The following DNMBP variants were observed in gnomAD, a reference collection of about 807,000 sequenced individuals.
The protein encoded by DNMBP is dynamin binding protein, also known as dynamin-binding protein.
DNMBP carries 87 observed loss-of-function variants against 150.0 expected under a neutral mutation model. That is an observed-to-expected ratio of 0.58 (90% CI 0.49 to 0.69). DNMBP has a LOEUF of 0.69. Ranked by LOEUF, DNMBP falls within the 30% of genes least tolerant of loss-of-function variation. The probability of loss-of-function intolerance (pLI) is 0.00; values close to 1 mark genes in which losing one functional copy is unlikely to be tolerated. For synonymous variants in DNMBP, 711 were observed against 750.4 expected (o/e 0.95, Z 0.86); for missense variants, 1,774 against 1,949.0 (o/e 0.91, Z 1.69).
In DNMBP at chr10:99,879,790, G is replaced by T. The variant is rs2039334264; in HGVS notation, c.4548+21C>A. ...ATCTGCTGCCGCCTGTGCCACAGTG[G>T]CAGGCCTCTTACGCACTCACCTGGT... On this transcript the variant is annotated intron_variant, in intron 16 of 16. Coordinates refer to ENST00000324109, the MANE Select transcript of DNMBP (RefSeq NM_015221.4). 3.1e-6 allele frequency: 5 copies of T among 1,610,552 alleles called. No homozygotes were observed. The East Asian group carries it at 1.1e-4, about 36-fold the overall frequency.
chr10:99,977,394 C>A (rs535516172), intron 1 of DNMBP, among the ~76,000 whole-genome samples: 1 of 152,292 alleles, frequency 6.6e-6, no homozygotes, highest in African/African-American at 2.4e-5. Context: ...GTTCCACCAA[C>A]TCCAGATAGA....
At chr10:99,921,650 T>C (rs1332454964) in intron 4 of DNMBP, among the ~76,000 whole-genome samples, 4 of 151,352 alleles carry the variant, frequency 2.6e-5, no homozygotes, top group Non-Finnish European at 5.9e-5. Context: ...GGCCAGGAGA[T>C]TGAGATCAGC....
chr10:99,888,031 T>A (rs2039497235), intron 12 of DNMBP, among the ~76,000 whole-genome samples: 1 of 151,996 alleles, frequency 6.6e-6, no homozygotes, highest in Admixed American at 6.6e-5. Flanking sequence ...TCCATGTTGG[T>A]CAGGCTGGTC....
Position 99,964,885 on chromosome 10 carries a change from AATAT to A in DNMBP, c.268+4226_268+4229del, listed in dbSNP as rs67147502. Among the ~76,000 whole-genome samples the A allele has an allele frequency of 4.3e-4, 58 of 135,954 alleles. 1 individual carries two copies. The highest frequency in any genetic ancestry group is 5.5e-4 in the Non-Finnish European group (35 of 63,808). 89.2% of individuals were successfully genotyped at this position (135,954 alleles called of 152,430 possible). On this transcript the variant is annotated intron_variant, in intron 3 of 16. Coordinates refer to ENST00000324109, the MANE Select transcript of DNMBP (RefSeq NM_015221.4). Reference sequence around the variant, plus strand: ...GACTCCAGCCCAAGGAAAAAAAAAAAATATATATATATATATATATTTTAACTCA... The same window carrying A: ...GACTCCAGCCCAAGGAAAAAAAAAAAATATATATATATATATTTTAACTCA...
chr10:99,974,100 G>A (rs2040704337), intron 1 of DNMBP, among the ~76,000 whole-genome samples: 1 of 152,128 alleles, frequency 6.6e-6, no homozygotes, highest in African/African-American at 2.4e-5. Context: ...ACCAACGTGG[G>A]CAACACAGCA....
Position 99,877,267 on chromosome 10 carries a change from G to A in DNMBP, c.4618C>T (p.Leu1540Phe), listed in dbSNP as rs1396902706. The change falls in exon 17 of 17, where the codon CTC becomes TTC. Residue 1540 changes from leucine to phenylalanine, a missense_variant. Transcript: ENST00000324109. Reference sequence around the variant, plus strand: ...ACATCTTTAAACTCGAGGATCTTGAGTTTCTGATTGGCTGACACGCTCAGC... The same window carrying A: ...ACATCTTTAAACTCGAGGATCTTGAATTTCTGATTGGCTGACACGCTCAGC... Reference protein sequence around the residue: ...NELSVSANQKLKILEFKDVTG... With the variant: ...NELSVSANQKFKILEFKDVTG... 7 of 1,613,936 alleles carry A rather than the reference G, an allele frequency of 4.3e-6. No individual in the cohort carries two copies. The highest frequency in any genetic ancestry group is 4.2e-6 in the Non-Finnish European group (5 of 1,180,020).
At chr10:99,965,795 C>A (rs1417923346) in intron 3 of DNMBP, among the ~76,000 whole-genome samples, 6 of 152,264 alleles carry the variant, frequency 3.9e-5, no homozygotes, top group African/African-American at 1.4e-4. Context: ...CCATGCCTGG[C>A]CCCACATACT....
chr10:99,928,715 A>G (rs896538891), intron 4 of DNMBP, among the ~76,000 whole-genome samples: 3 of 152,236 alleles, frequency 2.0e-5, no homozygotes, highest in Non-Finnish European at 2.9e-5. Context: ...GGAATCCACA[A>G]GAGTGTCAGT....
chr10:99,978,872 G>C (rs2040755589), intron 1 of DNMBP, among the ~76,000 whole-genome samples: 1 of 152,120 alleles, frequency 6.6e-6, no homozygotes, highest in Non-Finnish European at 1.5e-5. Context: ...ACCACGCCTG[G>C]CCAGCAGTTT....
intron 3 of DNMBP, 63 bp downstream of exon 3, chr10:99,969,052 G>T (rs1329303561): frequency 6.3e-7 from 1 of 1,596,394 alleles, no homozygotes; most frequent in East Asian, 2.2e-5. Context: ...GGATCTGGTT[G>T]TCGAAACGGG....
chr10:99,997,674 C>T lies in DNMBP; in HGVS notation c.-11+12164G>A, dbSNP rs1051031125. ...TAAATTTAAAAAAGGAGGCCAGGTGCGGTGGCTCATGCCTATAATCCCAGC... is the reference window on the plus strand; with the variant it reads ...TAAATTTAAAAAAGGAGGCCAGGTGTGGTGGCTCATGCCTATAATCCCAGC... On this transcript the variant is annotated intron_variant, in intron 1 of 16. Transcript: ENST00000324109. Among the ~76,000 whole-genome samples, 18 of 152,018 alleles carry T rather than the reference C, an allele frequency of 1.2e-4. No homozygotes were observed. In the South Asian group the frequency reaches 1.9e-3, roughly 16 times the overall value.
intron 1 of DNMBP, among the ~76,000 whole-genome samples, chr10:99,993,588 G>C (rs2040920706): frequency 6.6e-6 from 1 of 152,114 alleles, no homozygotes; most frequent in Non-Finnish European, 1.5e-5. Context: ...GATCACTTGA[G>C]GCCAGGAGTT....
At chr10:99,939,473 TACA>T (rs1377530732) in intron 4 of DNMBP, among the ~76,000 whole-genome samples, 1 of 152,238 alleles carries the variant, frequency 6.6e-6, no homozygotes. Flanking sequence ...GTGAGAAAAT[TACA>T]ACAATGAAAG....
intron 11 of DNMBP, among the ~76,000 whole-genome samples, chr10:99,890,271 C>A (rs535512705): frequency 1.5e-4 from 23 of 152,254 alleles, no homozygotes; most frequent in African/African-American, 5.3e-4. Context: ...ACCAAATTAT[C>A]CAGCCAATGG....
chr10:99,963,894 G>A (rs1239512741), intron 3 of DNMBP, among the ~76,000 whole-genome samples: 1 of 152,020 alleles, frequency 6.6e-6, no homozygotes, highest in East Asian at 1.9e-4. Flanking sequence ...AGCCATGTCA[G>A]AACTTCTTTC....
chr10:99,968,361 G>GTATC (rs2040641637), intron 3 of DNMBP, among the ~76,000 whole-genome samples: 1 of 151,882 alleles, frequency 6.6e-6, no homozygotes, highest in African/African-American at 2.4e-5. Context: ...CCCACGCCCC[G>GTATC]TATCAGTTTT....
intron 3 of DNMBP, among the ~76,000 whole-genome samples, chr10:99,961,326 G>C (rs1251468468): frequency 3.3e-5 from 4 of 122,138 alleles, no homozygotes; most frequent in African/African-American, 1.3e-4. Flanking sequence ...CCAAGGCTGA[G>C]TGCAGTGGTG....
At chr10:99,932,892 G>T (rs1433432825) in intron 4 of DNMBP, among the ~76,000 whole-genome samples, 1 of 151,616 alleles carries the variant, frequency 6.6e-6, no homozygotes, top group Admixed American at 6.6e-5. Context: ...CAATCTAATG[G>T]AAAAAGTGAT....
At chr10:99,951,768 A>C (rs1703022375) in intron 4 of DNMBP, among the ~76,000 whole-genome samples, 1 of 152,220 alleles carries the variant, frequency 6.6e-6, no homozygotes, top group South Asian at 2.1e-4. Context: ...TTGATTTTAC[A>C]GGCTCATAGG....
Sources: allele counts gnomAD v4.1 joint callset (sites outside exome capture counted in the v4.1 genomes callset), GRCh38; gene constraint gnomAD v4.1.1; transcripts MANE v1.5; gene names NCBI Gene and HGNC (gene_info 2026-07-23, HGNC 2026-07-21).